Variants in IRF3 observed in about 807,000 individuals in gnomAD.
The protein encoded by IRF3 is interferon regulatory factor 3.
Under a neutral mutation model 43.2 loss-of-function variants are expected in IRF3, and 29 were observed. That is an observed-to-expected ratio of 0.67 (90% CI 0.50 to 0.91). The LOEUF (loss-of-function observed/expected upper bound fraction) is 0.91, where lower values mean the gene tolerates loss of function less well. Among genes scored for constraint, IRF3 ranks in the 40% least tolerant of loss-of-function variants. The probability of loss-of-function intolerance (pLI) is 0.00; values close to 1 mark genes in which losing one functional copy is unlikely to be tolerated. For missense variants in IRF3, 505 were observed against 559.1 expected, an observed-to-expected ratio of 0.90 and a Z score of 0.98; for synonymous variants, 228 against 233.9, an observed-to-expected ratio of 0.97 and a Z score of 0.23.
intron 4 of IRF3, 102 bp from the exon 5 acceptor site, chr19:49,662,719 G>T: frequency 1.0e-6 from 1 of 975,448 alleles, no homozygotes; most frequent in Non-Finnish European, 1.5e-6. Context: ...GGTCAGGCTT[G>T]AGCTCTGCCT....
rs2081700666 is a variant in IRF3 at position 49,665,733 on chromosome 19, C to T, written c.-111G>A. On this transcript the variant is annotated 5_prime_UTR_variant, in exon 1 of 8. Transcript: ENST00000377139. Reference sequence around the variant, plus strand: ...GGCTGCGCACCCCCTTTCCCGTCAGCTGAGCTCTAGAGCGCTGGGGCTTTC... The same window carrying T: ...GGCTGCGCACCCCCTTTCCCGTCAGTTGAGCTCTAGAGCGCTGGGGCTTTC... 3 of 1,486,124 alleles carry T rather than the reference C, an allele frequency of 2.0e-6. No homozygotes were observed. The South Asian group carries it at 4.0e-5, about 20-fold the overall frequency. The allele number at this position is 1,486,124 out of a possible 1,614,324, so 92.1% of individuals were successfully genotyped here.
Position 49,662,117 on chromosome 19 carries a change from T to TCC in IRF3, c.811_812dup (p.Leu272AspfsTer25), listed in dbSNP as rs746745231. The TCC allele has an allele frequency of 6.2e-7, 1 of 1,613,684 alleles. No homozygotes were observed. The highest frequency in any genetic ancestry group is 8.5e-7 in the Non-Finnish European group (1 of 1,179,746). On this transcript the variant is annotated frameshift_variant, in exon 6 of 8. Coordinates refer to ENST00000377139, the MANE Select transcript of IRF3 (RefSeq NM_001571.6). LOFTEE classifies it high-confidence loss of function. The stretch of plus-strand genomic sequence containing the variant: ...ACTGCCCGGCCCGCCAGAGAGCCAG[T>TCC]CCCCCACCCAGGCAGCTCAGCACAT...
rs1478609637 is a variant in IRF3 at position 49,663,798 on chromosome 19, C to T, written c.166-284G>A. The T allele has an allele frequency of 1.5e-5, 6 of 393,882 alleles. 1 individual carries two copies. The highest frequency in any genetic ancestry group is 8.6e-5 in the Admixed American group (2 of 23,362). 24.4% of individuals were successfully genotyped at this position (393,882 alleles called of 1,614,324 possible). On this transcript the variant is annotated intron_variant, in intron 2 of 7. Transcript: ENST00000377139. ...GCAACTTCCGCCTCCCCGGTTCAAG[C>T]GATTCTCCTGTCTCAGCCTCCTGAG...
At position 49,664,805 on chromosome 19, in the gene IRF3, G is replaced by A. The variant is rs1304577000; in HGVS notation, c.34C>T (p.Leu12=). 1.9e-6 allele frequency: 3 copies of A among 1,613,634 alleles called. No individual in the cohort carries two copies. The highest frequency in any genetic ancestry group is 1.7e-6 in the Non-Finnish European group (2 of 1,179,954). ...TGCCCCAGGTCCAGCTGCGACACCA[G>A]CCAGGGCAGGATCCGTGGCTTTGGG... ...GTPKPRILPW[L]VSQLDLGQLE... is the part of the protein sequence containing the mutation. The change falls in exon 2 of 8, where the codon CTG becomes TTG. Residue 12 remains leucine, a synonymous_variant. Coordinates refer to ENST00000377139, the MANE Select transcript of IRF3 (RefSeq NM_001571.6).
At chr19:49,661,186 G>A (rs1050679324) in intron 6 of IRF3, among the ~76,000 whole-genome samples, 3 of 152,338 alleles carry the variant, frequency 2.0e-5, no homozygotes, top group Non-Finnish European at 4.4e-5. Flanking sequence ...GGTTATTTCA[G>A]TTTAAATTGT....
chr19:49,663,281 G>A (rs373867924), intron 3 of IRF3, 23 bp from the exon 4 acceptor site: 2 of 1,613,900 alleles, frequency 1.2e-6, no homozygotes, highest in Non-Finnish European at 1.7e-6. Context: ...GTGGTGAGGG[G>A]AGTAGGAGTG....
At chr19:49,664,578 G>C (rs1228013546) in intron 2 of IRF3, 96 bp downstream of exon 2, 1 of 1,531,848 alleles carries the variant, frequency 6.5e-7, no homozygotes, top group Non-Finnish European at 8.8e-7. Context: ...CCCGCCCCTC[G>C]CGCGCCACCT....
chr19:49,659,915 C>T, intron 7 of IRF3, 82 bp from the exon 8 acceptor site: 1 of 1,436,496 alleles, frequency 7.0e-7, no homozygotes, highest in South Asian at 1.4e-5. Flanking sequence ...TGGAGGACTA[C>T]AACTCCCTGC....
intron 2 of IRF3, among the ~76,000 whole-genome samples, chr19:49,664,272 GT>G (rs1255425793): frequency 6.6e-6 from 1 of 151,308 alleles, no homozygotes; most frequent in Non-Finnish European, 1.5e-5. Context: ...CCCTCACACT[GT>G]TTACCACCTC....
rs1469737120 is a variant in IRF3, at chr19:49,661,980, C to T, written c.950G>A (p.Gly317Glu). ...GAAGGGCCCCAGGTCAAACACGCCT[C>T]CTTCCTTGTCCTTGGGGACCTCGCC... ...PDGEVPKDKE[G>E]GVFDLGPFIV... Residue 317 changes from glycine to glutamate, a missense_variant, in exon 6 of 8, where the codon GGA becomes GAA. Coordinates refer to ENST00000377139, the MANE Select transcript of IRF3 (RefSeq NM_001571.6). 1 of 1,612,788 alleles carries T rather than the reference C, an allele frequency of 6.2e-7. No homozygotes were observed. Among genetic ancestry groups the T allele is most frequent in the Non-Finnish European group, 8.5e-7 (1 of 1,179,384 alleles).
chr19:49,664,511 G>A (rs2081548110), intron 2 of IRF3, 163 bp downstream of exon 2: 2 of 1,575,314 alleles, frequency 1.3e-6, no homozygotes, highest in African/African-American at 2.7e-5. Flanking sequence ...ATCAGTCAGC[G>A]GATCCGGCTA....
intron 2 of IRF3, 30 bp from the exon 3 acceptor site, chr19:49,663,544 G>T: frequency 6.2e-7 from 1 of 1,610,596 alleles, no homozygotes. Context: ...AGGATGGTGG[G>T]GGAGGACGAC....
intron 1 of IRF3, 172 bp from the exon 2 acceptor site, chr19:49,665,018 GCTCT>G (rs1218179181): frequency 1.5e-6 from 1 of 682,418 alleles, no homozygotes; most frequent in Non-Finnish European, 2.4e-6. Flanking sequence ...CTCCCGAGAG[GCTCT>G]CTAATCAGCT....
chr19:49,660,027 A>ACACACACACACCCCCC (rs57168131), intron 7 of IRF3, among the ~76,000 whole-genome samples, 194 bp from the exon 8 acceptor site: 7 of 74,716 alleles, frequency 9.4e-5, no homozygotes, highest in African/African-American at 3.0e-4. Context: ...ACACACACAC[A>ACACACACACACCCCCC]CCCCCTGCTG....
At chr19:49,661,289 T>C (rs1458592635) in intron 6 of IRF3, among the ~76,000 whole-genome samples, 2 of 152,228 alleles carry the variant, frequency 1.3e-5, no homozygotes, top group East Asian at 3.8e-4. Flanking sequence ...ACAGTGCAGG[T>C]GACTGTCATT....
At chr19:49,664,023 G>A (rs988788372) in intron 2 of IRF3, among the ~76,000 whole-genome samples, 1 of 152,106 alleles carries the variant, frequency 6.6e-6, no homozygotes, top group Non-Finnish European at 1.5e-5. Context: ...AACCTCTTTG[G>A]TTTTTGTTTT....
In IRF3 at chr19:49,662,046, A is replaced by T; in HGVS notation, c.884T>A (p.Val295Glu). 6.2e-7 allele frequency: 1 copy of T among 1,614,052 alleles called. No individual in the cohort carries two copies. Among genetic ancestry groups the T allele is most frequent in the Non-Finnish European group, 8.5e-7 (1 of 1,179,976 alleles). ...RLGHCHTYWA[V>E]SEELLPNSGH... ...GCTGTTGGGGAGCAGCTCCTCGCTCACTGCCCAGTATGTGTGGCAGTGCCC... is the reference window on the plus strand; with the variant it reads ...GCTGTTGGGGAGCAGCTCCTCGCTCTCTGCCCAGTATGTGTGGCAGTGCCC... Residue 295 changes from valine to glutamate, a missense_variant, in exon 6 of 8, where the codon GTG becomes GAG. Physicochemically the swap from Val to Glu is moderately radical, Grantham distance 121 (BLOSUM62 -2). Transcript: ENST00000377139.
chr19:49,660,841 G>A lies in IRF3; in HGVS notation c.983-13C>T, dbSNP rs375197023. ...AAGGTAATCAGATCTGGGGGCCCAG[G>A]AGCCTAGTCAGGGATGAGAAGAGGA... On this transcript the variant is annotated splice_polypyrimidine_tract_variant and intron_variant, in intron 6 of 7. Coordinates refer to ENST00000377139, the MANE Select transcript of IRF3 (RefSeq NM_001571.6). 3.2e-5 allele frequency: 50 copies of A among 1,581,690 alleles called. No individual in the cohort carries two copies. Among genetic ancestry groups the A allele is most frequent in the Non-Finnish European group, 4.2e-5 (49 of 1,163,994 alleles).
In IRF3 at chr19:49,665,688, C is replaced by T. The variant is rs111859305; in HGVS notation, c.-66G>A. On this transcript the variant is annotated 5_prime_UTR_variant, in exon 1 of 8. Coordinates refer to ENST00000377139, the MANE Select transcript of IRF3 (RefSeq NM_001571.6). ...GGAACCCACCCCTGTCTTGGAGCTC[C>T]GGGTAGCTCTCAAACTCGAGGCTGC... The T allele has an allele frequency of 7.1e-5, 88 of 1,233,484 alleles. No individual in the cohort carries two copies. Among genetic ancestry groups the T allele is most frequent in the Non-Finnish European group, 9.0e-5 (81 of 897,630 alleles). The allele number at this position is 1,233,484 out of a possible 1,614,324, so 76.4% of individuals were successfully genotyped here.
Sources: allele counts gnomAD v4.1 joint callset (sites outside exome capture counted in the v4.1 genomes callset), GRCh38; gene constraint gnomAD v4.1.1; transcripts MANE v1.5; gene names NCBI Gene and HGNC (gene_info 2026-07-23, HGNC 2026-07-21).